MCF2L: variants seen among roughly 807,000 people sequenced by gnomAD.
The protein encoded by MCF2L is MCF.2 cell line derived transforming sequence like.
In MCF2L, 97 loss-of-function variants were observed where a neutral mutation model predicts 153.4. The ratio of observed to expected loss-of-function variants is 0.63; its 90% confidence interval spans 0.54 to 0.75. The LOEUF (loss-of-function observed/expected upper bound fraction) is 0.75, where lower values mean the gene tolerates loss of function less well. Ranked by LOEUF, MCF2L falls within the 30% of genes least tolerant of loss-of-function variation. MCF2L has a pLI of 0.00. For synonymous variants in MCF2L, 659 were observed against 632.2 expected (o/e 1.04, Z -0.64); for missense variants, 1,347 against 1,495.2 (o/e 0.90, Z 1.64).
In MCF2L at chr13:113,086,293, A is replaced by G. The variant is rs370202352; in HGVS notation, c.2373+44A>G. 5.0e-6 allele frequency: 8 copies of G among 1,599,538 alleles called. No individual in the cohort carries two copies. The African/African-American group carries it at 1.1e-4, about 22-fold the overall frequency. On this transcript the variant is annotated intron_variant, in intron 21 of 29. Coordinates refer to ENST00000535094, the MANE Select transcript of MCF2L (RefSeq NM_001112732.3). ...CGGTCTTCCCCGCCGCCTCCGTGGA[A>G]TACACCAGCCCAGCAACTTGGCGGC...
At chr13:112,962,732 C>T (rs1444595609) in intron 2 of MCF2L, among the ~76,000 whole-genome samples, 4 of 152,186 alleles carry the variant, frequency 2.6e-5, no homozygotes, top group Admixed American at 6.5e-5. Context: ...GAGGGAAGGC[C>T]CCAACCCCTA....
intron 1 of MCF2L, among the ~76,000 whole-genome samples, chr13:112,896,427 T>C (rs1332504988): frequency 2.0e-5 from 3 of 151,960 alleles, no homozygotes; most frequent in Non-Finnish European, 4.4e-5. Flanking sequence ...AGGCAGCCTC[T>C]TGGTGACTCC....
chr13:112,910,801 C>T (rs1472308343), intron 2 of MCF2L, among the ~76,000 whole-genome samples: 1 of 152,276 alleles, frequency 6.6e-6, no homozygotes, highest in Non-Finnish European at 1.5e-5. Flanking sequence ...CTCGCCTTCA[C>T]CTTCCTGGTG....
At chr13:113,060,260 G>A (rs566928187) in intron 4 of MCF2L, among the ~76,000 whole-genome samples, 4 of 152,340 alleles carry the variant, frequency 2.6e-5, no homozygotes, top group Admixed American at 1.3e-4. Context: ...CCAAGGTCAC[G>A]TTCGGAGGCA....
intron 26 of MCF2L, chr13:113,090,235 C>T (rs976136245): frequency 7.0e-6 from 10 of 1,418,890 alleles, no homozygotes; most frequent in African/African-American, 1.4e-5. Context: ...ACCATTCGTG[C>T]CTCCTTCGTC....
intron 1 of MCF2L, among the ~76,000 whole-genome samples, chr13:112,988,508 G>A (rs2082742175): frequency 2.0e-5 from 3 of 151,906 alleles, no homozygotes; most frequent in Admixed American, 6.5e-5. Flanking sequence ...AGGGGATGGA[G>A]CTACCACACC....
chr13:113,084,770 G>A, intron 18 of MCF2L, 122 bp from the exon 19 acceptor site: 2 of 768,776 alleles, frequency 2.6e-6, no homozygotes, highest in Non-Finnish European at 4.4e-6. Flanking sequence ...GCCTCGCAGG[G>A]CCGGGAAGAC....
At chr13:113,004,792 G>A (rs910313786) in intron 1 of MCF2L, among the ~76,000 whole-genome samples, 7 of 152,368 alleles carry the variant, frequency 4.6e-5, no homozygotes, top group South Asian at 2.1e-4. Context: ...CACGGACCAC[G>A]CGTGTGTTCA....
At chr13:113,021,646 A>G (rs1386471201) in intron 2 of MCF2L, among the ~76,000 whole-genome samples, 1 of 152,200 alleles carries the variant, frequency 6.6e-6, no homozygotes, top group Non-Finnish European at 1.5e-5. Context: ...TCTTGGTGCC[A>G]TTGGCCCCGG....
In MCF2L at chr13:113,074,264, G is replaced by A. The variant is rs3814265; in HGVS notation, c.997-180G>A. Among the ~76,000 whole-genome samples the A allele has an allele frequency of 0.066, 10,073 of 152,208 alleles. 482 individuals are homozygous for A. The highest frequency in any genetic ancestry group is 0.23 in the East Asian group (1,185 of 5,146). ...TCGACCCAGAGGCCCCACGGTCCCC[G>A]CTTGATTGGTGACCACTCGGGGCCG... On this transcript the variant is annotated intron_variant, in intron 9 of 29. Coordinates refer to ENST00000535094, the MANE Select transcript of MCF2L (RefSeq NM_001112732.3). This position sits in a 1 kb window ranked among gnomAD's most constrained non-coding sequence, Gnocchi z 4.2.
chr13:112,988,055 G>C (rs559647587), intron 1 of MCF2L, among the ~76,000 whole-genome samples: 3 of 152,216 alleles, frequency 2.0e-5, no homozygotes, highest in Non-Finnish European at 4.4e-5. Context: ...GTCAGGCTGC[G>C]GGGCGAGGAG....
At chr13:113,015,908 C>T (rs369054701) in intron 2 of MCF2L, among the ~76,000 whole-genome samples, 2 of 152,158 alleles carry the variant, frequency 1.3e-5, no homozygotes, top group African/African-American at 2.4e-5. Context: ...TCAAGAGAGG[C>T]GCCGTGGTTT....
chr13:112,953,655 C>A (rs1239221182), intron 2 of MCF2L, among the ~76,000 whole-genome samples: 2 of 152,238 alleles, frequency 1.3e-5, no homozygotes, highest in Non-Finnish European at 2.9e-5. Context: ...AGGAGACCAG[C>A]TCAGTCTATG....
At chr13:112,938,819 C>A (rs1337643402) in intron 2 of MCF2L, among the ~76,000 whole-genome samples, 1 of 152,046 alleles carries the variant, frequency 6.6e-6, no homozygotes, top group Non-Finnish European at 1.5e-5. Context: ...GACGCTGTGG[C>A]CAGGCAGGAG....
chr13:113,017,832 C>T (rs2084630688), intron 2 of MCF2L, among the ~76,000 whole-genome samples: 1 of 152,232 alleles, frequency 6.6e-6, no homozygotes, highest in African/African-American at 2.4e-5. Context: ...TGGACTTTTG[C>T]TTAATTCCCT....
intron 3 of MCF2L, among the ~76,000 whole-genome samples, chr13:113,041,617 G>T (rs749886176): frequency 2.0e-5 from 3 of 152,206 alleles, no homozygotes; most frequent in Non-Finnish European, 4.4e-5. Context: ...GGGTAGAGGA[G>T]GTGCTAGGGG....
chr13:113,047,966 G>A (rs577271891), intron 4 of MCF2L, among the ~76,000 whole-genome samples: 3 of 152,388 alleles, frequency 2.0e-5, no homozygotes, highest in East Asian at 1.9e-4. Context: ...ACATCACCAC[G>A]TGTGTGTCTC....
chr13:113,033,333 C>CCCCCGTGACGTGAGTGGT (rs2085895111), intron 3 of MCF2L, among the ~76,000 whole-genome samples: 1 of 97,832 alleles, frequency 1.0e-5, no homozygotes, highest in African/African-American at 4.6e-5. Context: ...GCGTGAGTGG[C>CCCCCGTGACGTGAGTGGT]CCCCGTGACA....
At chr13:113,024,150 A>G (rs1298311190) in intron 2 of MCF2L, among the ~76,000 whole-genome samples, 1 of 152,264 alleles carries the variant, frequency 6.6e-6, no homozygotes, top group Admixed American at 6.5e-5. Flanking sequence ...TGAATTGCTT[A>G]AAAGGCGCCA....
Sources: gnomAD v4.1 joint callset for allele counts (sites outside exome capture counted in the v4.1 genomes callset) on GRCh38, gnomAD v4.1.1 for gene constraint, Gnocchi (gnomAD v3.1) non-coding constraint, MANE v1.5 for transcripts, NCBI Gene and HGNC (gene_info 2026-07-23, HGNC 2026-07-21) for gene names.